The following RSU1 variants were observed in gnomAD, a reference collection of about 807,000 sequenced individuals.
RSU1 encodes the protein rsu-1.
RSU1 carries 26 observed loss-of-function variants against 31.1 expected under a neutral mutation model. That is an observed-to-expected ratio of 0.84 (90% CI 0.61 to 1.16). RSU1 has a LOEUF of 1.16. RSU1 is among the 50% of genes most tolerant of loss of function. RSU1 has a pLI of 0.00. For synonymous variants in RSU1, 164 were observed against 136.3 expected (o/e 1.20, Z -1.41); for missense variants, 320 against 339.1 (o/e 0.94, Z 0.44).
rs1837834626 is a variant in RSU1 at position 16,788,213 on chromosome 10, A to G, written c.110-6129T>C. Among the ~76,000 whole-genome samples, 2 of 152,212 alleles carry G rather than the reference A, an allele frequency of 1.3e-5. 1 individual carries two copies. Among genetic ancestry groups the G allele is most frequent in the South Asian group, 4.1e-4 (2 of 4,830 alleles). Reference sequence around the variant, plus strand: ...AACCACACTCAACAGGAGTTACACAAAACAGGAGTTTCTCTCATAGGCAGT... The same window carrying G: ...AACCACACTCAACAGGAGTTACACAGAACAGGAGTTTCTCTCATAGGCAGT... On this transcript the variant is annotated intron_variant, in intron 2 of 8. Coordinates refer to ENST00000345264, the MANE Select transcript of RSU1 (RefSeq NM_012425.4).
At chr10:16,772,179 A>G (rs1450563681) in intron 3 of RSU1, among the ~76,000 whole-genome samples, 1 of 152,232 alleles carries the variant, frequency 6.6e-6, no homozygotes, top group Non-Finnish European at 1.5e-5. Flanking sequence ...TAGAGGAAAA[A>G]AGGCATAAGC....
intron 7 of RSU1, among the ~76,000 whole-genome samples, chr10:16,734,565 G>T (rs1188373555): frequency 3.3e-5 from 5 of 152,148 alleles, no homozygotes; most frequent in Non-Finnish European, 5.9e-5. Context: ...TATTGGGGGG[G>T]TTATCTCCAT....
At chr10:16,704,817 T>G (rs1027528740) in intron 7 of RSU1, among the ~76,000 whole-genome samples, 3 of 152,248 alleles carry the variant, frequency 2.0e-5, no homozygotes, top group Admixed American at 6.5e-5. Flanking sequence ...ACTCTGCTTT[T>G]GTTAGTTGAC....
intron 7 of RSU1, among the ~76,000 whole-genome samples, chr10:16,734,837 C>T (rs555443432): frequency 6.6e-6 from 1 of 152,202 alleles, no homozygotes; most frequent in Non-Finnish European, 1.5e-5. Flanking sequence ...GGTGACTTCA[C>T]AGAGATGATT....
In RSU1 at chr10:16,758,472, G is replaced by A. The variant is rs111489130; in HGVS notation, c.282-3483C>T. Among the ~76,000 whole-genome samples, 537 of 152,300 alleles carry A rather than the reference G, an allele frequency of 3.5e-3. 5 individuals carry two copies. The highest frequency in any genetic ancestry group is 0.012 in the African/African-American group (484 of 41,556). On this transcript the variant is annotated intron_variant, in intron 4 of 8. Coordinates refer to ENST00000345264, the MANE Select transcript of RSU1 (RefSeq NM_012425.4). ...GGTTTCCATGAGAGGCTACAGTGGCGGTAGGAAAAGTATGGAGCTTTAAGG... is the reference window on the plus strand; with the variant it reads ...GGTTTCCATGAGAGGCTACAGTGGCAGTAGGAAAAGTATGGAGCTTTAAGG...
At chr10:16,697,839 C>G (rs1025921216) in intron 7 of RSU1, among the ~76,000 whole-genome samples, 1 of 151,938 alleles carries the variant, frequency 6.6e-6, no homozygotes, top group African/African-American at 2.4e-5. Flanking sequence ...CCTTCTTCTG[C>G]AAAATTGGTT....
chr10:16,812,275 C>T (rs1277551026), intron 2 of RSU1, among the ~76,000 whole-genome samples: 1 of 152,156 alleles, frequency 6.6e-6, no homozygotes, highest in East Asian at 1.9e-4. Context: ...AACCCCGTCT[C>T]TACTAAAAAT....
At chr10:16,790,628 G>A (rs1318488930) in intron 2 of RSU1, among the ~76,000 whole-genome samples, 1 of 152,194 alleles carries the variant, frequency 6.6e-6, no homozygotes, top group Non-Finnish European at 1.5e-5. Context: ...GCATATGATA[G>A]GGTCTGGCTC....
At chr10:16,809,900 CAAT>C (rs985776330) in intron 2 of RSU1, among the ~76,000 whole-genome samples, 14 of 148,026 alleles carry the variant, frequency 9.5e-5, no homozygotes, top group African/African-American at 3.5e-4. Context: ...ACATAACAAA[CAAT>C]AATTTCTCAG....
At chr10:16,732,793 T>G (rs1040665357) in intron 7 of RSU1, among the ~76,000 whole-genome samples, 1 of 152,218 alleles carries the variant, frequency 6.6e-6, no homozygotes, top group Admixed American at 6.5e-5. Context: ...GAAACAGAAC[T>G]GGGTCATACC....
chr10:16,599,957 C>T (rs542392813), intron 8 of RSU1, among the ~76,000 whole-genome samples: 51 of 152,262 alleles, frequency 3.3e-4, no homozygotes, highest in Non-Finnish European at 5.9e-4. Context: ...AAATGCTTAG[C>T]CCAGGAACTG....
At chr10:16,657,219 T>TCA (rs144867766) in intron 8 of RSU1, among the ~76,000 whole-genome samples, 2,882 of 152,292 alleles carry the variant, frequency 0.019, 98 homozygotes, top group African/African-American at 0.066. Context: ...CTACCGAGTT[T>TCA]CACAAGTATT....
intron 8 of RSU1, among the ~76,000 whole-genome samples, chr10:16,679,983 G>C (rs1316171427): frequency 6.7e-6 from 1 of 149,830 alleles, no homozygotes; most frequent in East Asian, 2.0e-4. Context: ...CCAGGTTCAA[G>C]CGATTCTCCA....
At chr10:16,622,054 C>T (rs531772106) in intron 8 of RSU1, among the ~76,000 whole-genome samples, 1 of 152,174 alleles carries the variant, frequency 6.6e-6, no homozygotes, top group South Asian at 2.1e-4. Context: ...GTACTGCATG[C>T]CTGTATCAAA....
intron 8 of RSU1, among the ~76,000 whole-genome samples, chr10:16,606,238 G>A (rs936556551): frequency 7.9e-5 from 12 of 152,158 alleles, no homozygotes; most frequent in African/African-American, 2.7e-4. Flanking sequence ...GATTTTTAAT[G>A]TTGATAAGAA....
At chr10:16,746,961 T>C (rs757538080) in intron 7 of RSU1, among the ~76,000 whole-genome samples, 6 of 152,114 alleles carry the variant, frequency 3.9e-5, no homozygotes, top group Admixed American at 2.0e-4. Context: ...CACTGTCCTG[T>C]CCTGGCCGAG....
chr10:16,692,164 C>T (rs34382478), intron 8 of RSU1, among the ~76,000 whole-genome samples: 18,813 of 152,192 alleles, frequency 0.12, 1,316 homozygotes, highest in Middle Eastern at 0.18. Flanking sequence ...ACTACGCCAA[C>T]CCCCCAAAAT....
At chr10:16,650,479 C>T (rs1169506122) in intron 8 of RSU1, among the ~76,000 whole-genome samples, 4 of 151,152 alleles carry the variant, frequency 2.6e-5, no homozygotes, top group Non-Finnish European at 4.4e-5. Context: ...TGAGAAGAGA[C>T]TTACAAGTAG....
At chr10:16,746,161 G>C (rs1240155398) in intron 7 of RSU1, among the ~76,000 whole-genome samples, 2 of 152,158 alleles carry the variant, frequency 1.3e-5, no homozygotes, top group South Asian at 2.1e-4. Context: ...AAGGGGATTA[G>C]TATTTGTTTC....
Sources: allele counts gnomAD v4.1 joint callset (sites outside exome capture counted in the v4.1 genomes callset), GRCh38; gene constraint gnomAD v4.1.1; transcripts MANE v1.5; gene names NCBI Gene and HGNC (gene_info 2026-07-23, HGNC 2026-07-21).